OTULINL: variants seen among roughly 807,000 people sequenced by gnomAD.
OTULINL encodes the protein OTU deubiquitinase with linear linkage specificity like.
A neutral mutation model predicts 43.9 loss-of-function variants in OTULINL; 42 were observed. The ratio of observed to expected loss-of-function variants is 0.96; its 90% CI spans 0.75 to 1.24. OTULINL has a LOEUF of 1.24. OTULINL is among the 50% of genes most tolerant of loss of function. The pLI, the probability that OTULINL is intolerant of heterozygous loss-of-function variation, is 0.00. For synonymous variants in OTULINL, 172 were observed against 153.6 expected (o/e 1.12, Z -0.88); for missense variants, 411 against 426.4 (o/e 0.96, Z 0.32).
chr5:14,604,587 T>G (rs1759441364), intron 5 of OTULINL, among the ~76,000 whole-genome samples: 1 of 152,334 alleles, frequency 6.6e-6, no homozygotes, highest in East Asian at 1.9e-4. Context: ...GGAAATGTCA[T>G]GTTGACAATA....
At chr5:14,608,721 G>A in intron 6 of OTULINL, 27 bp from the exon 7 acceptor site, 1 of 1,565,338 alleles carries the variant, frequency 6.4e-7, no homozygotes, top group Non-Finnish European at 8.7e-7. Flanking sequence ...TTATCCTTCT[G>A]AATTTCACTT....
intron 6 of OTULINL, 40 bp downstream of exon 6, chr5:14,607,498 AG>A (rs1560967822): frequency 6.2e-7 from 1 of 1,610,730 alleles, no homozygotes; most frequent in East Asian, 2.2e-5. Flanking sequence ...TAGGAATAAA[AG>A]CACATATCCC....
At chr5:14,597,930 A>G (rs1327793831) in intron 1 of OTULINL, among the ~76,000 whole-genome samples, 2 of 151,802 alleles carry the variant, frequency 1.3e-5, no homozygotes, top group Non-Finnish European at 2.9e-5. Flanking sequence ...AATCTCTTGG[A>G]TTGTAGGTGG....
intron 1 of OTULINL, among the ~76,000 whole-genome samples, chr5:14,598,272 A>G (rs1269984555): frequency 5.3e-5 from 8 of 152,210 alleles, no homozygotes; most frequent in African/African-American, 1.7e-4. Flanking sequence ...CCTGTGGGAA[A>G]TAGGCAGATG....
rs1759630759 is a variant in OTULINL at position 14,614,205 on chromosome 5, A to ATG, written c.*3892_*3893insGT. On this transcript the variant is annotated 3_prime_UTR_variant, in exon 8 of 8. Coordinates refer to ENST00000274217, the MANE Select transcript of OTULINL (RefSeq NM_019018.3). The stretch of plus-strand genomic sequence containing the variant: ...TAATGTGTAAAACAGAAAAAAGTAT[A>ATG]TATATATCATATGTCTTTTCATGCA... 6.6e-6 allele frequency among the ~76,000 whole-genome samples: 1 copy of ATG among 151,626 alleles called. No individual in the cohort carries two copies. The highest frequency in any genetic ancestry group is 2.4e-5 in the African/African-American group (1 of 41,190).
intron 1 of OTULINL, among the ~76,000 whole-genome samples, chr5:14,596,700 A>AG (rs2126776820): frequency 6.6e-6 from 1 of 152,334 alleles, no homozygotes; most frequent in South Asian, 2.1e-4. Flanking sequence ...TTGTTATAAC[A>AG]GAATACCACA....
intron 1 of OTULINL, among the ~76,000 whole-genome samples, chr5:14,596,393 T>G (rs183797238): frequency 1.7e-4 from 26 of 152,286 alleles, no homozygotes; most frequent in African/African-American, 5.8e-4. Flanking sequence ...ATCCACAATT[T>G]TATCTCAGTT....
At chr5:14,586,208 A>C (rs1274619213) in intron 1 of OTULINL, among the ~76,000 whole-genome samples, 2 of 152,370 alleles carry the variant, frequency 1.3e-5, no homozygotes, top group East Asian at 3.9e-4. Context: ...GGTTGCATAC[A>C]CATTTATCTG....
intron 1 of OTULINL, among the ~76,000 whole-genome samples, chr5:14,591,565 C>T (rs959767568): frequency 1.3e-5 from 2 of 152,118 alleles, no homozygotes; most frequent in South Asian, 2.1e-4. Context: ...GGAGTAAAGG[C>T]GGTAGTAGGG....
rs1759647519 is a variant in OTULINL at position 14,615,031 on chromosome 5, T to G, written c.*4717T>G. On this transcript the variant is annotated 3_prime_UTR_variant, in exon 8 of 8. Coordinates refer to ENST00000274217, the MANE Select transcript of OTULINL (RefSeq NM_019018.3). ...TATTTTCATCGTAGTCTAGATGGGC[T>G]GTAAAACCCATTTCCACACGAGTAT... is the stretch of plus-strand genomic sequence containing the variant. 1 of 318,818 alleles carries G rather than the reference T, an allele frequency of 3.1e-6. No homozygotes were observed. Among genetic ancestry groups the G allele is most frequent in the South Asian group, 1.6e-4 (1 of 6,342 alleles). 19.7% of individuals were successfully genotyped at this position (318,818 alleles called of 1,614,324 possible).
Position 14,613,691 on chromosome 5 carries a change from A to T in OTULINL, c.*3377A>T, listed in dbSNP as rs1759619741. Among the ~76,000 whole-genome samples, 1 of 152,208 alleles carries T rather than the reference A, an allele frequency of 6.6e-6. No homozygotes were observed. The highest frequency in any genetic ancestry group is 2.1e-4 in the South Asian group (1 of 4,836). On this transcript the variant is annotated 3_prime_UTR_variant, in exon 8 of 8. Transcript: ENST00000274217. Reference sequence around the variant, plus strand: ...TGAGTTGAATTTCTTGAATGTCTTCATGGTCTTGAACCAAAGTCATTTCCA... The same window carrying T: ...TGAGTTGAATTTCTTGAATGTCTTCTTGGTCTTGAACCAAAGTCATTTCCA...
rs577783008 is a variant in OTULINL at position 14,605,054 on chromosome 5, G to A, written c.499-2276G>A. Among the ~76,000 whole-genome samples, 4 of 152,286 alleles carry A rather than the reference G, an allele frequency of 2.6e-5. No homozygotes were observed. In the South Asian group the frequency reaches 6.2e-4, roughly 24 times the overall value. ...CTCCCACCCCACATTTCCCTTTCAC[G>A]CTGCCCTAGCAGAGGTTCTCCATGA... On this transcript the variant is annotated intron_variant, in intron 5 of 7. Transcript: ENST00000274217.
chr5:14,588,130 T>G (rs1759139883), intron 1 of OTULINL, among the ~76,000 whole-genome samples: 1 of 152,244 alleles, frequency 6.6e-6, no homozygotes, highest in South Asian at 2.1e-4. Flanking sequence ...GGGCATCTTT[T>G]CTGTGGTGCA....
intron 5 of OTULINL, among the ~76,000 whole-genome samples, chr5:14,603,177 G>A (rs573293895): frequency 1.3e-5 from 2 of 152,260 alleles, no homozygotes; most frequent in South Asian, 4.1e-4. Flanking sequence ...TTATTGTTGA[G>A]TGGTATTCCT....
chr5:14,603,299 A>G (rs1261424924), intron 5 of OTULINL, among the ~76,000 whole-genome samples: 3 of 152,184 alleles, frequency 2.0e-5, no homozygotes, highest in Admixed American at 6.5e-5. Flanking sequence ...CTCATACAGG[A>G]TGTTGTATGA....
Position 14,614,816 on chromosome 5 carries a change from G to A in OTULINL, c.*4502G>A, listed in dbSNP as rs1019614837. The A allele has an allele frequency of 5.3e-5, 21 of 398,238 alleles. No homozygotes were observed. Among genetic ancestry groups the A allele is most frequent in the South Asian group, 2.6e-4 (2 of 7,744 alleles). The allele number at this position is 398,238 out of a possible 1,614,324, so 24.7% of individuals were successfully genotyped here. A position where few individuals can be genotyped will look rare whatever the true frequency, so the allele number is the denominator to read the frequency against. On this transcript the variant is annotated 3_prime_UTR_variant, in exon 8 of 8. Coordinates refer to ENST00000274217, the MANE Select transcript of OTULINL (RefSeq NM_019018.3). Reference sequence around the variant, plus strand: ...AAGTTATAATCCTAGCTGGTGTCTCGTTCTGTTTAAAAAAATCAAATTTCT... The same window carrying A: ...AAGTTATAATCCTAGCTGGTGTCTCATTCTGTTTAAAAAAATCAAATTTCT...
intron 1 of OTULINL, among the ~76,000 whole-genome samples, chr5:14,590,790 A>G (rs1306519280): frequency 1.3e-5 from 2 of 152,212 alleles, no homozygotes; most frequent in Admixed American, 6.5e-5. Flanking sequence ...GGATGCTACT[A>G]TAGGTAATGA....
rs979097775 is a variant in OTULINL, at chr5:14,612,992, G to A, written c.*2678G>A. Among the ~76,000 whole-genome samples the A allele has an allele frequency of 9.2e-5, 14 of 151,894 alleles. No individual in the cohort carries two copies. The highest frequency in any genetic ancestry group is 3.4e-4 in the African/African-American group (14 of 41,304). On this transcript the variant is annotated 3_prime_UTR_variant, in exon 8 of 8. Transcript: ENST00000274217. ...GGCTGCAGTGCAGTGGCACAATCTCGGCTCACTGCAACCTCTACCTCCCAG... is the reference window on the plus strand; with the variant it reads ...GGCTGCAGTGCAGTGGCACAATCTCAGCTCACTGCAACCTCTACCTCCCAG...
At chr5:14,608,203 T>C (rs1759513886) in intron 6 of OTULINL, among the ~76,000 whole-genome samples, 1 of 152,238 alleles carries the variant, frequency 6.6e-6, no homozygotes, top group Admixed American at 6.5e-5. Flanking sequence ...TAATTTCTTA[T>C]TGTAAACATT....
Sources: allele counts gnomAD v4.1 joint callset (sites outside exome capture counted in the v4.1 genomes callset), GRCh38; gene constraint gnomAD v4.1.1; transcripts MANE v1.5; gene names NCBI Gene and HGNC (gene_info 2026-07-23, HGNC 2026-07-21).